Variants in CCDC149 observed in about 807,000 individuals in gnomAD.
The protein encoded by CCDC149 is coiled-coil domain-containing protein 149.
Under a neutral mutation model 59.9 loss-of-function variants are expected in CCDC149, and 45 were observed. The observed-to-expected ratio is 0.75, with a 90% CI of 0.59 to 0.96. The LOEUF is 0.96. Ranked by LOEUF, CCDC149 falls within the 40% of genes least tolerant of loss-of-function variation. CCDC149 has a pLI of 0.00. For missense variants in CCDC149, 584 were observed against 664.7 expected, an observed-to-expected ratio of 0.88 and a Z score of 1.33; for synonymous variants, 245 against 260.6, an observed-to-expected ratio of 0.94 and a Z score of 0.58.
At chr4:24,824,902 G>A (rs1715626731) in intron 9 of CCDC149, among the ~76,000 whole-genome samples, 2 of 152,154 alleles carry the variant, frequency 1.3e-5, no homozygotes, top group South Asian at 2.1e-4. Flanking sequence ...GGATGTGCCC[G>A]CAGTTGCTTT....
rs756614979 is a variant in CCDC149 at position 24,831,531 on chromosome 4, T to A, written c.940A>T (p.Ile314Phe). The A allele has an allele frequency of 3.1e-6, 5 of 1,614,014 alleles. No homozygotes were observed. The highest frequency in any genetic ancestry group is 3.4e-6 in the Non-Finnish European group (4 of 1,180,026). The change falls in exon 9 of 13, where the codon ATT (isoleucine) becomes TTT (phenylalanine). Residue 314 changes from isoleucine to phenylalanine, a missense_variant. By Grantham distance (21) the Ile-to-Phe change is conservative. Coordinates refer to ENST00000635206, the MANE Select transcript of CCDC149 (RefSeq NM_001330643.2). ...TTGTTGGTTTGCCTCTGGTGCTGAA[T>A]GACCATGTTTTTCTCGTGGATTGTT...
intron 3 of CCDC149, among the ~76,000 whole-genome samples, chr4:24,871,302 C>T (rs189659237): frequency 4.2e-4 from 64 of 152,196 alleles, no homozygotes; most frequent in African/African-American, 1.5e-3. Context: ...AGGCAATGAC[C>T]CCATGGAATC....
At chr4:24,864,149 T>C (rs1577424206) in intron 3 of CCDC149, among the ~76,000 whole-genome samples, 1 of 152,244 alleles carries the variant, frequency 6.6e-6, no homozygotes, top group South Asian at 2.1e-4. Context: ...ATTTAGTTTA[T>C]TGTTTAAATA....
In CCDC149 at chr4:24,839,028, T is replaced by TCA. The variant is rs56226858; in HGVS notation, c.373-758_373-757dup. On this transcript the variant is annotated intron_variant, in intron 4 of 12. Transcript: ENST00000635206. ...CTCTCTCTCTCTCTCTCTCTCTCTC[T>TCA]CACACACACACACACACACACACAC... Among the ~76,000 whole-genome samples the TCA allele has an allele frequency of 4.5e-3, 593 of 132,016 alleles. 3 individuals carry two copies. Among genetic ancestry groups the TCA allele is most frequent in the East Asian group, 0.011 (47 of 4,468 alleles). 86.6% of individuals were successfully genotyped at this position (132,016 alleles called of 152,430 possible). A position where few individuals can be genotyped will look rare whatever the true frequency, so the allele number is the denominator to read the frequency against.
intron 1 of CCDC149, among the ~76,000 whole-genome samples, chr4:24,954,176 C>T (rs1025187968): frequency 3.9e-5 from 6 of 152,210 alleles, no homozygotes; most frequent in Non-Finnish European, 5.9e-5. Flanking sequence ...AGAAGCTCAA[C>T]AAGCTCCAAG....
chr4:24,897,956 G>A (rs1365665965), intron 1 of CCDC149, among the ~76,000 whole-genome samples: 1 of 152,228 alleles, frequency 6.6e-6, no homozygotes, highest in African/African-American at 2.4e-5. Flanking sequence ...CCAGGTTGGA[G>A]CAAATTAGAA....
At chr4:24,856,847 A>G (rs1053680640) in intron 3 of CCDC149, among the ~76,000 whole-genome samples, 8 of 152,204 alleles carry the variant, frequency 5.3e-5, no homozygotes, top group Non-Finnish European at 1.2e-4. Flanking sequence ...CTGGCAGCAA[A>G]CATAATCCCT....
chr4:24,918,691 T>A (rs1722203574), intron 1 of CCDC149, among the ~76,000 whole-genome samples: 1 of 152,234 alleles, frequency 6.6e-6, no homozygotes, highest in African/African-American at 2.4e-5. Context: ...TGGCCAAAGC[T>A]GCAATTCCTT....
Position 24,902,684 on chromosome 4 carries a change from G to A in CCDC149, c.63+10133C>T, listed in dbSNP as rs117448786. Among the ~76,000 whole-genome samples the A allele has an allele frequency of 2.3e-3, 345 of 152,230 alleles. 3 individuals carry two copies. The East Asian group carries it at 0.052, about 23-fold the overall frequency. Reference sequence around the variant, plus strand: ...CATTAGTGTCTAAGATCTATTGTTCGCTATTGTGCATGGTGTTTTCATCTA... The same window carrying A: ...CATTAGTGTCTAAGATCTATTGTTCACTATTGTGCATGGTGTTTTCATCTA... On this transcript the variant is annotated intron_variant, in intron 1 of 12. Transcript: ENST00000635206.
intron 1 of CCDC149, among the ~76,000 whole-genome samples, chr4:24,961,155 A>G (rs1227743121): frequency 6.6e-6 from 1 of 152,186 alleles, no homozygotes; most frequent in Non-Finnish European, 1.5e-5. Context: ...ATTCTAGTTC[A>G]TTGGAAGATG....
intron 1 of CCDC149, among the ~76,000 whole-genome samples, chr4:24,887,650 C>T (rs956777519): frequency 1.3e-5 from 2 of 152,066 alleles, no homozygotes; most frequent in Non-Finnish European, 2.9e-5. Context: ...CCCTTCCCCG[C>T]CTCCAACAAG....
At chr4:24,965,537 A>G (rs1416801739) in intron 1 of CCDC149, among the ~76,000 whole-genome samples, 5 of 152,238 alleles carry the variant, frequency 3.3e-5, no homozygotes, top group Non-Finnish European at 5.9e-5. Flanking sequence ...CACACTTGTA[A>G]ATAACATGGA....
chr4:24,834,504 A>C (rs567555984), intron 8 of CCDC149, among the ~76,000 whole-genome samples: 75 of 152,298 alleles, frequency 4.9e-4, no homozygotes, highest in Admixed American at 2.6e-3. Context: ...AGAGGCCGGG[A>C]AAAGAAGAAA....
At chr4:24,963,137 C>T (rs1723691734) in intron 1 of CCDC149, among the ~76,000 whole-genome samples, 1 of 152,104 alleles carries the variant, frequency 6.6e-6, no homozygotes, top group Non-Finnish European at 1.5e-5. Context: ...TGATCTTCCA[C>T]CTCAGAGAAG....
chr4:24,868,561 C>T (rs544254270), intron 3 of CCDC149, among the ~76,000 whole-genome samples: 4 of 152,254 alleles, frequency 2.6e-5, no homozygotes, highest in African/African-American at 9.6e-5. Context: ...CTGTTCGTAG[C>T]ATCTCTAGTA....
At chr4:24,957,114 C>G (rs907034608) in intron 1 of CCDC149, among the ~76,000 whole-genome samples, 2 of 152,188 alleles carry the variant, frequency 1.3e-5, no homozygotes, top group East Asian at 1.9e-4. Flanking sequence ...AAACACAGCT[C>G]CTGGCATACA....
chr4:24,894,086 C>A (rs564420139), intron 1 of CCDC149, among the ~76,000 whole-genome samples: 2 of 152,284 alleles, frequency 1.3e-5, no homozygotes, highest in East Asian at 3.9e-4. Context: ...CTTGCATATT[C>A]CCTGATGTCT....
chr4:24,812,183 T>C (rs1022850867), intron 12 of CCDC149, among the ~76,000 whole-genome samples: 2 of 152,224 alleles, frequency 1.3e-5, no homozygotes, highest in Admixed American at 6.5e-5. Context: ...CATTTTGCCA[T>C]ATAAGGTAAC....
downstream of CCDC149, among the ~76,000 whole-genome samples, chr4:24,805,498 CAACT>C (rs1222513955): frequency 3.3e-5 from 5 of 152,166 alleles, no homozygotes; most frequent in Non-Finnish European, 7.4e-5. Context: ...TGTCTATTCC[CAACT>C]CTCTTACACA....
Sources: allele counts gnomAD v4.1 joint callset (sites outside exome capture counted in the v4.1 genomes callset), GRCh38; gene constraint gnomAD v4.1.1; transcripts MANE v1.5; gene names NCBI Gene and HGNC (gene_info 2026-07-23, HGNC 2026-07-21).